ATP2B2: variants seen among roughly 807,000 people sequenced by gnomAD.
ATP2B2 encodes the protein plasma membrane calcium-transporting ATPase 2.
Under a neutral mutation model 120.0 loss-of-function variants are expected in ATP2B2, and 15 were observed. That is an observed-to-expected ratio of 0.12 (90% confidence interval 0.08 to 0.19). ATP2B2 has a LOEUF of 0.19. ATP2B2 is among the 10% of genes least tolerant of loss of function. The pLI, the probability that ATP2B2 is intolerant of heterozygous loss-of-function variation, is 1.00. For missense variants in ATP2B2, 1,045 were observed against 1,719.8 expected (o/e 0.61, Z 6.94); for synonymous variants, 694 against 700.3 (o/e 0.99, Z 0.14).
At chr3:10,631,298 C>T (rs767620699) in intron 1 of ATP2B2, among the ~76,000 whole-genome samples, 10 of 152,118 alleles carry the variant, frequency 6.6e-5, no homozygotes, top group South Asian at 2.1e-4. Flanking sequence ...TTTTTATATC[C>T]GAATGTGGCT....
At chr3:10,516,961 G>C (rs2125447428) in intron 3 of ATP2B2, among the ~76,000 whole-genome samples, 1 of 144,984 alleles carries the variant, frequency 6.9e-6, no homozygotes, top group East Asian at 2.0e-4. Context: ...ACAATTTTCA[G>C]ATGTGTGTGT....
chr3:10,463,309 T>A (rs2064578856), intron 1 of ATP2B2, among the ~76,000 whole-genome samples: 1 of 152,216 alleles, frequency 6.6e-6, no homozygotes, highest in Non-Finnish European at 1.5e-5. Flanking sequence ...CCACCAGGTC[T>A]GGTTCCATGA....
intron 2 of ATP2B2, among the ~76,000 whole-genome samples, chr3:10,536,988 T>G (rs151328433): frequency 6.6e-6 from 1 of 152,376 alleles, no homozygotes; most frequent in Admixed American, 6.5e-5. Context: ...CACCATTTGT[T>G]GAAAAGGTTA....
chr3:10,440,464 G>A (rs918690003), intron 2 of ATP2B2, among the ~76,000 whole-genome samples: 2 of 152,208 alleles, frequency 1.3e-5, no homozygotes, highest in African/African-American at 2.4e-5. Context: ...AAATGAATCT[G>A]TAGTTCATGG....
intron 2 of ATP2B2, among the ~76,000 whole-genome samples, chr3:10,439,092 C>T (rs75593650): frequency 6.6e-6 from 1 of 152,226 alleles, no homozygotes; most frequent in Non-Finnish European, 1.5e-5. Context: ...GGGCACTGCC[C>T]TGGCCTGGGC....
At chr3:10,338,011 A>G (rs2060172161) in intron 22 of ATP2B2, among the ~76,000 whole-genome samples, 165 bp downstream of exon 22, 1 of 152,152 alleles carries the variant, frequency 6.6e-6, no homozygotes, top group Admixed American at 6.5e-5. Flanking sequence ...TAGCAGCCAC[A>G]GGAGTGGGTG....
intron 12 of ATP2B2, among the ~76,000 whole-genome samples, chr3:10,370,101 C>G (rs1346795072): frequency 6.6e-6 from 1 of 152,224 alleles, no homozygotes; most frequent in East Asian, 1.9e-4. Flanking sequence ...TGAAAAGACT[C>G]AATCCACCAA....
intron 22 of ATP2B2, among the ~76,000 whole-genome samples, chr3:10,337,716 G>C (rs2060160047): frequency 6.6e-6 from 1 of 152,092 alleles, no homozygotes; most frequent in Non-Finnish European, 1.5e-5. Flanking sequence ...GCTGGGGAGA[G>C]CAACTGAAGC....
chr3:10,498,532 G>A (rs532505827), intron 1 of ATP2B2, among the ~76,000 whole-genome samples: 22 of 152,250 alleles, frequency 1.4e-4, no homozygotes, highest in Non-Finnish European at 2.8e-4. Context: ...CCTTGGGCCT[G>A]CAAGGCAGGT....
At chr3:10,387,427 C>A (rs1055276524) in intron 6 of ATP2B2, among the ~76,000 whole-genome samples, 2 of 152,232 alleles carry the variant, frequency 1.3e-5, no homozygotes, top group Admixed American at 1.3e-4. Flanking sequence ...CTCTCATCTC[C>A]CTTCTGGGGT....
intron 2 of ATP2B2, among the ~76,000 whole-genome samples, chr3:10,542,297 TTC>T (rs1380979473): frequency 1.2e-4 from 18 of 152,230 alleles, no homozygotes; most frequent in Admixed American, 1.2e-3. Flanking sequence ...ATATTTTGTT[TTC>T]TGTTTGTTCT....
intron 1 of ATP2B2, among the ~76,000 whole-genome samples, chr3:10,464,089 T>TG (rs2064623407): frequency 6.6e-6 from 1 of 152,084 alleles, no homozygotes; most frequent in Non-Finnish European, 1.5e-5. Flanking sequence ...AGTGTGACCA[T>TG]GGGGGGGCCT....
intron 2 of ATP2B2, among the ~76,000 whole-genome samples, chr3:10,447,413 G>A (rs2063875158): frequency 6.6e-6 from 1 of 152,196 alleles, no homozygotes; most frequent in African/African-American, 2.4e-5. Flanking sequence ...GGGAGTGGTA[G>A]GTGGTTTTCT....
chr3:10,387,424 C>T (rs7646664), intron 6 of ATP2B2, among the ~76,000 whole-genome samples: 75,451 of 152,158 alleles, frequency 0.5, 20,919 homozygotes, highest in East Asian at 0.97. Flanking sequence ...GTCCTCTCAT[C>T]TCCCTTCTGG....
chr3:10,623,137 A>G (rs1269077592), intron 1 of ATP2B2, among the ~76,000 whole-genome samples: 1 of 142,252 alleles, frequency 7.0e-6, no homozygotes, highest in Non-Finnish European at 1.5e-5. Context: ...ACCATAGCTC[A>G]CTGTAACCTC....
intron 12 of ATP2B2, among the ~76,000 whole-genome samples, chr3:10,362,883 TCACA>T (rs1270907900): frequency 6.6e-6 from 1 of 152,200 alleles, no homozygotes. Context: ...TATATATATC[TCACA>T]CACACATATA....
chr3:10,424,112 G>T (rs2063075173), intron 2 of ATP2B2, among the ~76,000 whole-genome samples: 1 of 152,198 alleles, frequency 6.6e-6, no homozygotes, highest in African/African-American at 2.4e-5. Flanking sequence ...AGACAGGCCG[G>T]CAAGAAATGA....
chr3:10,586,191 T>C lies in ATP2B2; in HGVS notation c.-415+33726A>G, dbSNP rs17033128. 4.6e-3 allele frequency among the ~76,000 whole-genome samples: 700 copies of C among 152,268 alleles called. 5 individuals are homozygous for C. The highest frequency in any genetic ancestry group is 0.015 in the African/African-American group (639 of 41,560). On this transcript the variant is annotated intron_variant, in intron 2 of 21. Coordinates refer to the ATP2B2 transcript ENST00000646379. ...CAGTTATGTCCTTGCTCTGTCATGA[T>C]TGAAAAAAGTGGCATTGGAGACTCC...
chr3:10,598,227 C>T (rs114778097), intron 2 of ATP2B2, among the ~76,000 whole-genome samples: 86 of 152,248 alleles, frequency 5.6e-4, no homozygotes, highest in African/African-American at 1.8e-3. Context: ...ATGTGAAGAA[C>T]GTGGTAACTC....
Sources: allele counts gnomAD v4.1 joint callset (sites outside exome capture counted in the v4.1 genomes callset), GRCh38; gene constraint gnomAD v4.1.1; transcripts MANE v1.5; gene names NCBI Gene and HGNC (gene_info 2026-07-23, HGNC 2026-07-21).